PCYT2: variants seen among roughly 807,000 people sequenced by gnomAD.
The protein encoded by PCYT2 is phosphate cytidylyltransferase 2, ethanolamine, also known as ethanolamine-phosphate cytidylyltransferase.
PCYT2 carries 33 observed loss-of-function variants against 50.0 expected under a neutral mutation model. The observed-to-expected ratio is 0.66, with a 90% CI of 0.50 to 0.88. The LOEUF is 0.88. Among genes scored for constraint, PCYT2 ranks in the 40% least tolerant of loss-of-function variants. PCYT2 has a pLI of 0.00. For missense variants in PCYT2, 430 were observed against 519.7 expected, an observed-to-expected ratio of 0.83 and a Z score of 1.68; for synonymous variants, 240 against 203.7, an observed-to-expected ratio of 1.18 and a Z score of -1.52.
At position 81,911,337 on chromosome 17, in the gene PCYT2, CG is replaced by C; in HGVS notation, c.18del (p.Ala8LeufsTer16). 9.0e-7 allele frequency: 1 copy of C among 1,105,696 alleles called. No individual in the cohort carries two copies. 68.5% of individuals were successfully genotyped at this position (1,105,696 alleles called of 1,614,324 possible). MIRNG[R>X]GAAGGAEQPG... ...GGCTGCTCTGCGCCGCCTGCAGCCCCGCGCCCGTTCCGGATCATGGCCCCGC... is the reference window on the plus strand; with the variant it reads ...GGCTGCTCTGCGCCGCCTGCAGCCCCCGCCCGTTCCGGATCATGGCCCCGC... On this transcript the variant is annotated frameshift_variant, in exon 1 of 13. Transcript: ENST00000538936. LOFTEE classifies it high-confidence loss of function.
rs2039990631 is a variant in PCYT2, at chr17:81,902,463, G to A, written c.*2370C>T. ...GGCGCTCCCAGCCCTACAGAGGGGC[G>A]GAACCCCCGGGCGGGGCCGGCGCCT... On this transcript the variant is annotated 3_prime_UTR_variant, in exon 13 of 13. Transcript: ENST00000538936. 9 of 1,387,544 alleles carry A rather than the reference G, an allele frequency of 6.5e-6. No individual in the cohort carries two copies. The highest frequency in any genetic ancestry group is 8.3e-6 in the Non-Finnish European group (9 of 1,080,082). The allele number at this position is 1,387,544 out of a possible 1,614,324, so 86.0% of individuals were successfully genotyped here. A position where few individuals can be genotyped will look rare whatever the true frequency, so the allele number is the denominator to read the frequency against.
At position 81,905,402 on chromosome 17, in the gene PCYT2, C is replaced by T. The variant is rs2040201213; in HGVS notation, c.949G>A (p.Asp317Asn). ...CCCACCTGGTATGGGTCGGAGCCAT[C>T]CCTGTCAGGGATAATTTCTGTCTTG... ...HGKTEIIPDR[D>N]GSDPYQEPKR... Residue 317 changes from aspartate to asparagine, a missense_variant, in exon 11 of 13, where the codon GAT becomes AAT. Asp to Asn is a conservative substitution (Grantham distance 23, BLOSUM62 1). Coordinates refer to ENST00000538936, the MANE Select transcript of PCYT2 (RefSeq NM_002861.5). 2 of 1,562,704 alleles carry T rather than the reference C, an allele frequency of 1.3e-6. No homozygotes were observed. Among genetic ancestry groups the T allele is most frequent in the East Asian group, 2.4e-5 (1 of 41,664 alleles).
intron 2 of PCYT2, chr17:81,909,273 T>A (rs2040448322): frequency 7.0e-7 from 1 of 1,429,974 alleles, no homozygotes; most frequent in African/African-American, 1.4e-5. Context: ...CCCTGAAGGC[T>A]TGGGAGCCTC....
chr17:81,906,222 G>A (rs1346371579), intron 8 of PCYT2, 45 bp from the exon 9 acceptor site: 2 of 1,533,064 alleles, frequency 1.3e-6, no homozygotes, highest in Non-Finnish European at 8.9e-7. Flanking sequence ...CTTTTTGGGG[G>A]GACAGGGTGT....
In PCYT2 at chr17:81,906,791, G is replaced by A; in HGVS notation, c.645C>T (p.Val215=). 3 of 1,613,452 alleles carry A rather than the reference G, an allele frequency of 1.9e-6. No individual in the cohort carries two copies. Among genetic ancestry groups the A allele is most frequent in the Non-Finnish European group, 1.7e-6 (2 of 1,179,950 alleles). The change falls in exon 7 of 13, where the codon GTC becomes GTT. Residue 215 remains valine, a synonymous_variant. Transcript: ENST00000538936. ...SGKEPQPGET[V]IYVAGAFDLF... ...GGTCGAAGGCACCAGCCACATAGAT[G>A]ACTGTCTCCCCTGGCTGGGGCTCCT...
At chr17:81,911,022 C>T (rs2040569650) in intron 1 of PCYT2, 1 of 997,272 alleles carries the variant, frequency 1.0e-6, no homozygotes, top group South Asian at 4.7e-5. Flanking sequence ...GTGGCTGCAC[C>T]GGAGAGGTCG....
rs2143607332 is a variant in PCYT2 at position 81,902,067 on chromosome 17, T to C, written c.*2766A>G. The C allele has an allele frequency of 6.2e-6, 2 of 322,350 alleles. 1 individual carries two copies. The highest frequency in any genetic ancestry group is 4.4e-5 in the African/African-American group (2 of 45,778). The allele number at this position is 322,350 out of a possible 1,614,324, so 20.0% of individuals were successfully genotyped here. On this transcript the variant is annotated 3_prime_UTR_variant, in exon 13 of 13. Transcript: ENST00000538936. Reference sequence around the variant, plus strand: ...GGGCTCCCACCAAGCGCCAGATCCTTGCGCGCCTCCAGCGCTCGCCCGCGC... The same window carrying C: ...GGGCTCCCACCAAGCGCCAGATCCTCGCGCGCCTCCAGCGCTCGCCCGCGC...
chr17:81,905,953 A>G, intron 9 of PCYT2, 147 bp downstream of exon 9: 1 of 759,468 alleles, frequency 1.3e-6, no homozygotes, highest in Non-Finnish European at 2.2e-6. Flanking sequence ...ACAAACAGGT[A>G]TGGGCAGGTG....
intron 1 of PCYT2, among the ~76,000 whole-genome samples, chr17:81,910,288 T>A (rs950788120): frequency 6.6e-6 from 1 of 152,204 alleles, no homozygotes; most frequent in Non-Finnish European, 1.5e-5. Context: ...CTTCGCCACT[T>A]CTTTACAGCA....
At position 81,902,123 on chromosome 17, in the gene PCYT2, C is replaced by T. The variant is rs1489938365; in HGVS notation, c.*2710G>A. 4 of 588,824 alleles carry T rather than the reference C, an allele frequency of 6.8e-6. No individual in the cohort carries two copies. Among genetic ancestry groups the T allele is most frequent in the African/African-American group, 2.0e-5 (1 of 50,886 alleles). 36.5% of individuals were successfully genotyped at this position (588,824 alleles called of 1,614,324 possible). On this transcript the variant is annotated 3_prime_UTR_variant, in exon 13 of 13. Transcript: ENST00000538936. ...GTTCCTTTGGGATGCGGAGGTGCGA[C>T]GGCTCCTCCGCGCGCGCCCGCTGCA...
At chr17:81,905,185 A>C in intron 11 of PCYT2, 31 bp from the exon 12 acceptor site, 1 of 1,574,186 alleles carries the variant, frequency 6.4e-7, no homozygotes, top group South Asian at 1.1e-5. Flanking sequence ...AGCGGGATGA[A>C]GGTCCCTGCT....
intron 7 of PCYT2, 86 bp downstream of exon 7, chr17:81,906,674 T>C: frequency 6.3e-7 from 1 of 1,590,838 alleles, no homozygotes; most frequent in Non-Finnish European, 8.6e-7. Context: ...GCCAGCCCAG[T>C]CTGGGGGCCC....
Position 81,902,546 on chromosome 17 carries a change from G to C in PCYT2, c.*2287C>G, listed in dbSNP as rs1239957837. ...AGCCTCGTGAGTCCGGCGTGCCGGG[G>C]ACTGATGGGGGGCGGCGGCAGGACG... On this transcript the variant is annotated 3_prime_UTR_variant, in exon 13 of 13. Coordinates refer to ENST00000538936, the MANE Select transcript of PCYT2 (RefSeq NM_002861.5). 3 of 1,485,456 alleles carry C rather than the reference G, an allele frequency of 2.0e-6. No homozygotes were observed. In the East Asian group the frequency reaches 8.4e-5, roughly 41 times the overall value. The allele number at this position is 1,485,456 out of a possible 1,614,324, so 92.0% of individuals were successfully genotyped here.
chr17:81,903,068 A>G lies in PCYT2; in HGVS notation c.*1765T>C, dbSNP rs1210609458. 3 of 360,798 alleles carry G rather than the reference A, an allele frequency of 8.3e-6. No homozygotes were observed. The highest frequency in any genetic ancestry group is 7.8e-5 in the South Asian group (1 of 12,830). 22.3% of individuals were successfully genotyped at this position (360,798 alleles called of 1,614,324 possible). A position where few individuals can be genotyped will look rare whatever the true frequency, so the allele number is the denominator to read the frequency against. ...CCAGGGGCGAAGCTGGCCACGACCC[A>G]GCCCCGCGGTGAAGCCGCGCCTAGC... On this transcript the variant is annotated 3_prime_UTR_variant, in exon 13 of 13. Coordinates refer to ENST00000538936, the MANE Select transcript of PCYT2 (RefSeq NM_002861.5).
intron 11 of PCYT2, 85 bp downstream of exon 11, chr17:81,905,297 T>A: frequency 7.3e-7 from 1 of 1,378,726 alleles, no homozygotes; most frequent in Non-Finnish European, 1.0e-6. Flanking sequence ...CCATGCCCGT[T>A]TCCCAGGCAG....
At chr17:81,909,201 T>C (rs1340196564) in intron 2 of PCYT2, 164 bp from the exon 3 acceptor site, 1 of 1,443,570 alleles carries the variant, frequency 6.9e-7, no homozygotes, top group Non-Finnish European at 9.1e-7. Context: ...ACTGGGTGGC[T>C]CTCTTCCCTG....
chr17:81,902,158 G>T lies in PCYT2; in HGVS notation c.*2675C>A. 1 of 728,974 alleles carries T rather than the reference G, an allele frequency of 1.4e-6. No homozygotes were observed. Among genetic ancestry groups the T allele is most frequent in the Non-Finnish European group, 1.8e-6 (1 of 545,562 alleles). The allele number at this position is 728,974 out of a possible 1,614,324, so 45.2% of individuals were successfully genotyped here. ...GCGCGCGCCCGCTGCACCCCAGCCC[G>T]CCCGCCGCCCCTCCCGGCCCTCCGC... On this transcript the variant is annotated 3_prime_UTR_variant, in exon 13 of 13. Coordinates refer to ENST00000538936, the MANE Select transcript of PCYT2 (RefSeq NM_002861.5).
intron 4 of PCYT2, 70 bp from the exon 5 acceptor site, chr17:81,907,927 C>T: frequency 7.9e-7 from 1 of 1,264,406 alleles, no homozygotes; most frequent in East Asian, 2.3e-5. Context: ...GCTACCACCA[C>T]TAGGGACACT....
At position 81,904,343 on chromosome 17, in the gene PCYT2, G is replaced by C. The variant is rs1247042517; in HGVS notation, c.*490C>G. 6.3e-6 allele frequency: 1 copy of C among 157,606 alleles called. No individual in the cohort carries two copies. Among genetic ancestry groups the C allele is most frequent in the Non-Finnish European group, 1.4e-5 (1 of 71,900 alleles). 9.8% of individuals were successfully genotyped at this position (157,606 alleles called of 1,614,324 possible). On this transcript the variant is annotated 3_prime_UTR_variant, in exon 13 of 13. Coordinates refer to ENST00000538936, the MANE Select transcript of PCYT2 (RefSeq NM_002861.5). ...GCGAAGCTGCCGGGAAGGAAGGCAA[G>C]CGTGTTTTCCTGGAGCCAGGCGCTG...
Sources: gnomAD v4.1 joint callset for allele counts (sites outside exome capture counted in the v4.1 genomes callset) on GRCh38, gnomAD v4.1.1 for gene constraint, MANE v1.5 for transcripts, NCBI Gene and HGNC (gene_info 2026-07-23, HGNC 2026-07-21) for gene names.